Variants in CCDC30 observed in about 807,000 individuals in gnomAD.
CCDC30 encodes coiled-coil domain-containing protein 30.
In CCDC30, 70 loss-of-function variants were observed where a neutral mutation model predicts 100.2. The observed-to-expected ratio is 0.70, with a 90% CI of 0.58 to 0.85. The LOEUF (loss-of-function observed/expected upper bound fraction) is 0.85. CCDC30 is among the 40% of genes least tolerant of loss of function. The pLI, the probability that CCDC30 is intolerant of heterozygous loss-of-function variation, is 0.00. For synonymous variants in CCDC30, 233 were observed against 269.5 expected (o/e 0.86, Z 1.33); for missense variants, 652 against 771.2 (o/e 0.85, Z 1.83).
chr1:42,609,011 T>C, intron 10 of CCDC30, among the ~76,000 whole-genome samples: 1 of 152,250 alleles, frequency 6.6e-6, no homozygotes. Flanking sequence ...AAGAAGGATT[T>C]GTACTGTATA....
At chr1:42,653,304 T>TA (rs1648514311) in intron 15 of CCDC30, 72 bp from the exon 20 acceptor site, 2 of 800,752 alleles carry the variant, frequency 2.5e-6, no homozygotes, top group Non-Finnish European at 2.0e-6. Context: ...TATATATATA[T>TA]TTTTTTCTAG....
chr1:42,644,900 C>A, intron 14 of CCDC30, 93 bp downstream of exon 18: 1 of 790,792 alleles, frequency 1.3e-6, no homozygotes, highest in Admixed American at 2.1e-5. Flanking sequence ...CTTTATATAG[C>A]TGTAGCTGGG....
intron 10 of CCDC30, among the ~76,000 whole-genome samples, 156 bp from the exon 15 acceptor site, chr1:42,610,822 A>G (rs12117431): frequency 0.21 from 32,440 of 151,924 alleles, 4,509 homozygotes; most frequent in Non-Finnish European, 0.29. Flanking sequence ...ACTTTCAGAA[A>G]ATCTGGAAGT....
At chr1:42,506,857 C>A (rs965789855) in intron 6 of CCDC30, among the ~76,000 whole-genome samples, 3 of 152,192 alleles carry the variant, frequency 2.0e-5, no homozygotes, top group Non-Finnish European at 4.4e-5. Flanking sequence ...AAGCAAAAAT[C>A]TTTCATTAAC....
At chr1:42,557,298 A>G (rs1335737668) in intron 6 of CCDC30, among the ~76,000 whole-genome samples, 1 of 152,240 alleles carries the variant, frequency 6.6e-6, no homozygotes, top group Non-Finnish European at 1.5e-5. Context: ...TTTACCTGAA[A>G]GGAGATTTAG....
intron 3 of CCDC30, among the ~76,000 whole-genome samples, chr1:42,488,241 C>A (rs780404723): frequency 6.6e-6 from 1 of 152,044 alleles, no homozygotes; most frequent in Non-Finnish European, 1.5e-5. Flanking sequence ...AGAGAGATCT[C>A]AAGAAAAGTT....
At chr1:42,563,998 C>T (rs1645553745) in intron 6 of CCDC30, among the ~76,000 whole-genome samples, 2 of 151,856 alleles carry the variant, frequency 1.3e-5, no homozygotes, top group South Asian at 4.2e-4. Context: ...TCTAGCTAAA[C>T]CAAAATAGGA....
intron 6 of CCDC30, among the ~76,000 whole-genome samples, chr1:42,531,606 A>G (rs910572018): frequency 2.0e-5 from 3 of 152,174 alleles, no homozygotes; most frequent in African/African-American, 7.2e-5. Flanking sequence ...ACAAAAAAAT[A>G]CAAAAATTAG....
At chr1:42,595,028 T>C (rs1019738321) in intron 10 of CCDC30, 5 of 151,984 alleles carry the variant, frequency 3.3e-5, no homozygotes, top group Non-Finnish European at 7.4e-5. Context: ...GTTTTTTTTT[T>C]TCAGATTGGT....
chr1:42,456,982 G>A, the CCDC30 span: 1 of 1,602,984 alleles, frequency 6.2e-7, no homozygotes, highest in Non-Finnish European at 8.5e-7. Flanking sequence ...AGGAGGCTGC[G>A]GCTGCAGGCA....
At chr1:42,650,354 C>T (rs1480466359) in intron 15 of CCDC30, among the ~76,000 whole-genome samples, 2 of 151,878 alleles carry the variant, frequency 1.3e-5, no homozygotes, top group Non-Finnish European at 2.9e-5. Flanking sequence ...AAAAAATTAG[C>T]TGGGCATAGT....
At chr1:42,592,845 C>T (rs1646213629) in intron 10 of CCDC30, 1 of 152,314 alleles carries the variant, frequency 6.6e-6, no homozygotes, top group African/African-American at 2.4e-5. Context: ...TTGTGAGCTT[C>T]CTGAGGCCCT....
At chr1:42,507,948 G>A (rs1011343823) in intron 6 of CCDC30, among the ~76,000 whole-genome samples, 3 of 152,100 alleles carry the variant, frequency 2.0e-5, no homozygotes, top group Admixed American at 1.3e-4. Context: ...AAGCATTACA[G>A]CTTTTATCTT....
the CCDC30 span, chr1:42,456,493 AC>A: frequency 4.3e-6 from 6 of 1,403,060 alleles, no homozygotes; most frequent in Non-Finnish European, 5.6e-6. Flanking sequence ...CGCGGCGCGT[AC>A]ACCAGGTAGG....
chr1:42,614,751 C>T (rs1646692955), intron 11 of CCDC30, among the ~76,000 whole-genome samples: 2 of 150,752 alleles, frequency 1.3e-5, no homozygotes, highest in Non-Finnish European at 2.9e-5. Context: ...CATGCCACTG[C>T]ACCCTAGCCT....
At chr1:42,549,678 G>C (rs879525874) in intron 6 of CCDC30, among the ~76,000 whole-genome samples, 1 of 152,116 alleles carries the variant, frequency 6.6e-6, no homozygotes, top group Admixed American at 6.5e-5. Context: ...CACATAGTAG[G>C]TACTCACAAA....
chr1:42,603,400 T>C (rs1646442613), intron 10 of CCDC30, among the ~76,000 whole-genome samples: 1 of 152,202 alleles, frequency 6.6e-6, no homozygotes, highest in Admixed American at 6.5e-5. Context: ...TTGGGAGTTA[T>C]GTTTCAATAG....
intron 6 of CCDC30, among the ~76,000 whole-genome samples, chr1:42,564,486 C>T (rs572102663): frequency 4.6e-4 from 53 of 115,286 alleles, no homozygotes; most frequent in Admixed American, 2.0e-3. Context: ...CTAAGGGTTT[C>T]GCCATGTTGA....
intron 7 of CCDC30, among the ~76,000 whole-genome samples, chr1:42,572,605 A>G (rs1034507026): frequency 3.3e-5 from 5 of 152,018 alleles, no homozygotes; most frequent in Non-Finnish European, 7.4e-5. Flanking sequence ...ACATTTATTT[A>G]TGTATTTATG....
Sources: allele counts gnomAD v4.1 joint callset (sites outside exome capture counted in the v4.1 genomes callset), GRCh38; gene constraint gnomAD v4.1.1; transcripts MANE v1.5; gene names NCBI Gene and HGNC (gene_info 2026-07-23, HGNC 2026-07-21).